The following SULT6B1 variants were observed in gnomAD, a reference collection of about 807,000 sequenced individuals.
The protein encoded by SULT6B1 is sulfotransferase family 6B member 1.
A neutral mutation model predicts 37.2 loss-of-function variants in SULT6B1; 44 were observed. The observed-to-expected ratio is 1.18, with a 90% CI of 0.93 to 1.52. The LOEUF (loss-of-function observed/expected upper bound fraction) is 1.52, where lower values mean the gene tolerates loss of function less well. Among genes scored for constraint, SULT6B1 ranks in the 40% most tolerant of loss-of-function variants. The pLI is 0.00. For missense variants in SULT6B1, 450 were observed against 361.0 expected, an observed-to-expected ratio of 1.25 and a Z score of -2.00; for synonymous variants, 140 against 126.0, an observed-to-expected ratio of 1.11 and a Z score of -0.74.
intron 2 of SULT6B1, among the ~76,000 whole-genome samples, chr2:37,185,740 G>T (rs1425868815): frequency 8.1e-6 from 1 of 122,708 alleles, no homozygotes; most frequent in Admixed American, 8.1e-5. Context: ...AAAAAAAACA[G>T]AGAGAGAGAA....
intron 2 of SULT6B1, among the ~76,000 whole-genome samples, chr2:37,185,280 T>C (rs576122565): frequency 9.9e-5 from 15 of 152,182 alleles, no homozygotes; most frequent in South Asian, 2.1e-4. Context: ...TATAATACTA[T>C]GTTCACTAAA....
chr2:37,195,682 C>T, intron 1 of SULT6B1, among the ~76,000 whole-genome samples: 1 of 152,334 alleles, frequency 6.6e-6, no homozygotes, highest in South Asian at 2.1e-4. Flanking sequence ...CAGGCTTTGT[C>T]TTGCACACGG....
intron 6 of SULT6B1, among the ~76,000 whole-genome samples, chr2:37,169,870 T>A (rs1377967729): frequency 6.6e-6 from 1 of 152,228 alleles, no homozygotes; most frequent in East Asian, 1.9e-4. Context: ...TGCTGTTAGC[T>A]GTTGTTGTCC....
intron 5 of SULT6B1, among the ~76,000 whole-genome samples, chr2:37,173,376 T>C (rs76880105): frequency 0.024 from 3,620 of 152,264 alleles, 65 homozygotes; most frequent in Middle Eastern, 0.058. Context: ...GGTCATCTTC[T>C]CTATCTATAT....
chr2:37,183,132 G>C (rs898753755), intron 3 of SULT6B1, among the ~76,000 whole-genome samples: 13 of 152,140 alleles, frequency 8.5e-5, no homozygotes, highest in African/African-American at 3.1e-4. Context: ...TTTTTTGTGT[G>C]TGCATGAAAC....
At chr2:37,168,992 C>T (rs957593482) in intron 6 of SULT6B1, among the ~76,000 whole-genome samples, 5 of 152,074 alleles carry the variant, frequency 3.3e-5, no homozygotes, top group Non-Finnish European at 4.4e-5. Flanking sequence ...CTATATAAAA[C>T]GTCACAGAAT....
intron 2 of SULT6B1, among the ~76,000 whole-genome samples, chr2:37,184,472 C>G (rs1676626124): frequency 1.3e-5 from 2 of 152,192 alleles, no homozygotes; most frequent in Non-Finnish European, 2.9e-5. Context: ...TACAATCAGA[C>G]CATTAGTATA....
intron 5 of SULT6B1, among the ~76,000 whole-genome samples, chr2:37,174,206 G>T (rs1443752739): frequency 1.3e-5 from 2 of 148,188 alleles, no homozygotes; most frequent in Non-Finnish European, 1.5e-5. Flanking sequence ...CCTCAGTAAG[G>T]TCTCTCCTAA....
intron 6 of SULT6B1, among the ~76,000 whole-genome samples, chr2:37,171,098 G>A (rs904271697): frequency 6.6e-6 from 1 of 152,150 alleles, no homozygotes; most frequent in Non-Finnish European, 1.5e-5. Context: ...AATTAACTGG[G>A]TGTGGTGGCA....
In SULT6B1 at chr2:37,183,505, C is replaced by A; in HGVS notation, c.322G>T (p.Gly108Cys). The change falls in exon 3 of 7, where the codon GGC becomes TGC. Residue 108 changes from glycine to cysteine, a missense_variant. Gly to Cys is a radical substitution (Grantham distance 159). Coordinates refer to ENST00000535679, the MANE Select transcript of SULT6B1 (RefSeq NM_001367551.1). ...GDSEKYQRMK[G>C]FPSPRILATH... ...GCCAAAATCCTTGGTGATGGAAAGCCTTTCATTCTCTTAAAAATATACACA... is the reference window on the plus strand; with the variant it reads ...GCCAAAATCCTTGGTGATGGAAAGCATTTCATTCTCTTAAAAATATACACA... 1.2e-6 allele frequency: 2 copies of A among 1,613,232 alleles called. No individual in the cohort carries two copies. Among genetic ancestry groups the A allele is most frequent in the Non-Finnish European group, 1.7e-6 (2 of 1,179,232 alleles).
intron 1 of SULT6B1, among the ~76,000 whole-genome samples, chr2:37,195,121 C>A (rs898434869): frequency 6.6e-6 from 1 of 151,838 alleles, no homozygotes; most frequent in Non-Finnish European, 1.5e-5. Context: ...AGCTAATTTT[C>A]ATATTTTTAG....
At chr2:37,182,238 T>G (rs1280935499) in intron 3 of SULT6B1, among the ~76,000 whole-genome samples, 1 of 145,286 alleles carries the variant, frequency 6.9e-6, no homozygotes, top group Non-Finnish European at 1.5e-5. Flanking sequence ...CTTGCTAGCA[T>G]TCGGCAGAAG....
intron 2 of SULT6B1, among the ~76,000 whole-genome samples, chr2:37,185,916 C>T (rs925198666): frequency 1.3e-5 from 2 of 152,118 alleles, no homozygotes; most frequent in Non-Finnish European, 1.5e-5. Flanking sequence ...ATCCTACGTT[C>T]CTGGGCCTGT....
intron 5 of SULT6B1, among the ~76,000 whole-genome samples, chr2:37,172,565 T>C (rs1203096157): frequency 6.6e-6 from 1 of 151,882 alleles, no homozygotes; most frequent in Non-Finnish European, 1.5e-5. Context: ...TGGAGCACAG[T>C]GGCATGATCT....
At chr2:37,193,461 C>T (rs1338527954), upstream of SULT6B1, among the ~76,000 whole-genome samples, 1 of 150,748 alleles carries the variant, frequency 6.6e-6, no homozygotes, top group East Asian at 1.9e-4. Flanking sequence ...GACTCTGTCT[C>T]AAAATATAAT....
Position 37,171,495 on chromosome 2 carries a change from T to C in SULT6B1, c.720A>G (p.Gln240=). 6.2e-7 allele frequency: 1 copy of C among 1,614,150 alleles called. No individual in the cohort carries two copies. The highest frequency in any genetic ancestry group is 1.1e-5 in the South Asian group (1 of 91,064). The change falls in exon 6 of 7, where the codon CAA becomes CAG. Residue 240 remains glutamine (Q), a synonymous_variant. Transcript: ENST00000535679. ...IQTISVQSTF[Q]AMRAKSQDTH... ...TGTCCTGAGACTTCGCACGCATGGC[T>C]TGGAAGGTGCTCTGGACTGAGATAG...
intron 5 of SULT6B1, among the ~76,000 whole-genome samples, chr2:37,172,512 AC>A: frequency 6.6e-6 from 1 of 151,366 alleles, no homozygotes; most frequent in East Asian, 1.9e-4. Context: ...ATTAAATCTC[AC>A]TTTTTTTTTT....
At chr2:37,184,660 A>G (rs58868860) in intron 2 of SULT6B1, among the ~76,000 whole-genome samples, 45,119 of 152,070 alleles carry the variant, frequency 0.3, 7,738 homozygotes, top group East Asian at 0.79. Context: ...GGGAAACCCC[A>G]TCTCTACTAA....
chr2:37,180,398 A>T (rs1676525364), intron 3 of SULT6B1, among the ~76,000 whole-genome samples: 1 of 152,240 alleles, frequency 6.6e-6, no homozygotes, highest in African/African-American at 2.4e-5. Context: ...AGAATTGACT[A>T]AAAACAAGAT....
Sources: gnomAD v4.1 joint callset for allele counts (sites outside exome capture counted in the v4.1 genomes callset) on GRCh38, gnomAD v4.1.1 for gene constraint, MANE v1.5 for transcripts, NCBI Gene and HGNC (gene_info 2026-07-23, HGNC 2026-07-21) for gene names.